ERCC1: variants seen among roughly 807,000 people sequenced by gnomAD.
ERCC1 encodes ERCC excision repair 1, endonuclease non-catalytic subunit.
ERCC1 carries 36 observed loss-of-function variants against 37.6 expected under a neutral mutation model. That is an observed-to-expected ratio of 0.96 (90% CI 0.73 to 1.26). The LOEUF (loss-of-function observed/expected upper bound fraction) is 1.26, where lower values mean the gene tolerates loss of function less well. Ranked by LOEUF, ERCC1 falls within the 50% of genes most tolerant of loss-of-function variation. ERCC1 has a pLI of 0.00. For synonymous variants in ERCC1, 156 were observed against 162.1 expected, an observed-to-expected ratio of 0.96 and a Z score of 0.28; for missense variants, 349 against 376.5, an observed-to-expected ratio of 0.93 and a Z score of 0.60.
chr19:45,408,655 T>C lies in ERCC1; in HGVS notation c.*1020A>G. 1.2e-6 allele frequency: 2 copies of C among 1,613,084 alleles called. No homozygotes were observed. Among genetic ancestry groups the C allele is most frequent in the Non-Finnish European group, 1.7e-6 (2 of 1,179,760 alleles). ...TGAAAGAACCAGAGGCAGCAGGGCC[T>C]GTGGGGACAGAGCCCACAGTGGAGA... On this transcript the variant is annotated 3_prime_UTR_variant, in exon 10 of 10. Transcript: ENST00000300853.
intron 1 of ERCC1, among the ~76,000 whole-genome samples, chr19:45,440,541 T>C (rs114434492): frequency 0.013 from 2,008 of 152,208 alleles, 51 homozygotes; most frequent in African/African-American, 0.046. Context: ...GACACTTCAG[T>C]CTGGCCTAGT....
chr19:45,424,844 G>C (rs918376896), upstream of ERCC1, among the ~76,000 whole-genome samples: 44 of 150,510 alleles, frequency 2.9e-4, no homozygotes, highest in Non-Finnish European at 4.4e-5. Flanking sequence ...TTATCAATCT[G>C]TTCCGTTCTG....
intron 1 of ERCC1, among the ~76,000 whole-genome samples, chr19:45,434,436 G>A (rs551696593): frequency 1.7e-3 from 260 of 152,042 alleles, no homozygotes; most frequent in Non-Finnish European, 3.2e-3. Context: ...AGGCTGCAGA[G>A]GGCCATGATC....
chr19:45,414,098 G>A, intron 7 of ERCC1, 64 bp from the exon 8 acceptor site: 2 of 1,333,248 alleles, frequency 1.5e-6, no homozygotes, highest in East Asian at 2.3e-5. Flanking sequence ...AGCCTAGGAG[G>A]GCAGGGCTGG....
At chr19:45,421,876 G>A (rs1302370816) in intron 2 of ERCC1, among the ~76,000 whole-genome samples, 2 of 151,616 alleles carry the variant, frequency 1.3e-5, no homozygotes, top group Admixed American at 6.6e-5. Flanking sequence ...CAGGTGATCC[G>A]CCCGCCTCGG....
At chr19:45,419,233 A>C in intron 4 of ERCC1, 36 bp from the exon 5 acceptor site, 14 of 1,386,870 alleles carry the variant, frequency 1.0e-5, no homozygotes, top group Non-Finnish European at 1.3e-5. Flanking sequence ...GAGAGGTCTC[A>C]GTCTCTTCAA....
Position 45,419,202 on chromosome 19 carries a change from TG to T in ERCC1, c.426-6del, listed in dbSNP as rs769507840. 2 of 1,583,154 alleles carry T rather than the reference TG, an allele frequency of 1.3e-6. No homozygotes were observed. The highest frequency in any genetic ancestry group is 1.7e-6 in the Non-Finnish European group (2 of 1,162,754). ...TGCAGGTTGTGGTAGCGGAGGCTGGTGGGGGCAGGGAGCGGGAGTTGAGAGG... is the reference window on the plus strand; with the variant it reads ...TGCAGGTTGTGGTAGCGGAGGCTGGTGGGGCAGGGAGCGGGAGTTGAGAGG... On this transcript the variant is annotated splice_polypyrimidine_tract_variant and splice_region_variant and intron_variant, in intron 4 of 9. Transcript: ENST00000300853.
At chr19:45,411,981 C>T (rs1271773283) in intron 9 of ERCC1, among the ~76,000 whole-genome samples, 6 of 151,634 alleles carry the variant, frequency 4.0e-5, no homozygotes, top group Non-Finnish European at 7.4e-5. Context: ...CTCAGCCTCC[C>T]GAGTAGCTGG....
At position 45,410,612 on chromosome 19, in the gene ERCC1, T is replaced by C. The variant is rs1473881361; in HGVS notation, c.844-887A>G. The C allele has an allele frequency of 2.7e-4, 36 of 135,478 alleles. No homozygotes were observed. The Admixed American group carries it at 2.8e-3, about 10-fold the overall frequency. 8.4% of individuals were successfully genotyped at this position (135,478 alleles called of 1,614,324 possible). ...GTGTGTGTGTGGTACCCATTAACCTTCCCCATCTCCCTGCCAGCCCCTAAC... is the reference window on the plus strand; with the variant it reads ...GTGTGTGTGTGGTACCCATTAACCTCCCCCATCTCCCTGCCAGCCCCTAAC... On this transcript the variant is annotated intron_variant, in intron 9 of 9. Coordinates refer to ENST00000300853, the MANE Select transcript of ERCC1 (RefSeq NM_001983.4).
intron 1 of ERCC1, among the ~76,000 whole-genome samples, chr19:45,433,769 C>A (rs1347613834): frequency 6.6e-6 from 1 of 151,524 alleles, no homozygotes; most frequent in Non-Finnish European, 1.5e-5. Flanking sequence ...TGTGGAACAT[C>A]ATTTTAACTT....
rs1805481324 is a variant in ERCC1 at position 45,407,845 on chromosome 19, C to G, written c.*1830G>C. 3.3e-6 allele frequency: 1 copy of G among 302,330 alleles called. No homozygotes were observed. The highest frequency in any genetic ancestry group is 6.1e-6 in the Non-Finnish European group (1 of 163,304). The allele number at this position is 302,330 out of a possible 1,614,324, so 18.7% of individuals were successfully genotyped here. A position where few individuals can be genotyped will look rare whatever the true frequency, so the allele number is the denominator to read the frequency against. ...CCGAGGCGAGCAGATCACTTGAGGT[C>G]AGGAGTTCAAGACCAGCCTGGCCAA... On this transcript the variant is annotated 3_prime_UTR_variant, in exon 10 of 10. Coordinates refer to ENST00000300853, the MANE Select transcript of ERCC1 (RefSeq NM_001983.4).
rs540768244 is a variant in ERCC1 at position 45,439,946 on chromosome 19, G to A, written c.-7-16565C>T. Among the ~76,000 whole-genome samples, 124 of 152,268 alleles carry A rather than the reference G, an allele frequency of 8.1e-4. 1 individual carries two copies. Among genetic ancestry groups the A allele is most frequent in the Non-Finnish European group, 1.5e-3 (102 of 67,992 alleles). ...CAGCTCCGCTAAAAATAGTTGCCGC[G>A]CTCCGAGCCGAGCCCGAAATAGCGG... On this transcript the variant is annotated intron_variant, in intron 1 of 8. Coordinates refer to the ERCC1 transcript ENST00000423698.
chr19:45,444,012 A>T (rs1000620541), intron 1 of ERCC1, among the ~76,000 whole-genome samples: 1 of 129,832 alleles, frequency 7.7e-6, no homozygotes, highest in African/African-American at 3.0e-5. Context: ...TCACTCATCC[A>T]TACCGGGCCC....
chr19:45,409,897 T>A (rs1051243759), intron 9 of ERCC1, 172 bp from the exon 10 acceptor site: 18 of 235,960 alleles, frequency 7.6e-5, no homozygotes, highest in Non-Finnish European at 1.0e-4. Context: ...TTATTATTAT[T>A]TTTTTTTTTT....
At chr19:45,433,122 G>A (rs759944466) in intron 1 of ERCC1, among the ~76,000 whole-genome samples, 8 of 152,076 alleles carry the variant, frequency 5.3e-5, no homozygotes, top group Admixed American at 2.0e-4. Context: ...GGGTGCGGTG[G>A]CTCACACCTG....
In ERCC1 at chr19:45,407,479, A is replaced by G; in HGVS notation, c.*2196T>C. The stretch of plus-strand genomic sequence containing the variant: ...AACTATAGTTAAACTTGGAGTGTGC[A>G]GATAAGCTCACTAAAGGTAGGGGCT... On this transcript the variant is annotated 3_prime_UTR_variant, in exon 10 of 10. Transcript: ENST00000300853. The G allele has an allele frequency of 2.1e-6, 1 of 478,998 alleles. No individual in the cohort carries two copies. Among genetic ancestry groups the G allele is most frequent in the Non-Finnish European group, 3.6e-6 (1 of 274,774 alleles). 29.7% of individuals were successfully genotyped at this position (478,998 alleles called of 1,614,324 possible).
At chr19:45,440,020 G>A (rs1975079047) in intron 1 of ERCC1, among the ~76,000 whole-genome samples, 1 of 152,120 alleles carries the variant, frequency 6.6e-6, no homozygotes, top group African/African-American at 2.4e-5. Context: ...GCGGAAGGGG[G>A]AGCGCGCGGG....
Position 45,409,896 on chromosome 19 carries a change from T to TTA in ERCC1, c.844-172_844-171insTA, listed in dbSNP as rs1555785259. 1.3e-3 allele frequency: 206 copies of TTA among 159,428 alleles called. 1 individual carries two copies. The highest frequency in any genetic ancestry group is 8.9e-3 in the African/African-American group (158 of 17,722). 9.9% of individuals were successfully genotyped at this position (159,428 alleles called of 1,614,324 possible). Reference sequence around the variant, plus strand: ...TTTTAAGTTATTATTATTATTATTATTTTTTTTTTTTTTGAGATGGAGTCT... The same window carrying TTA: ...TTTTAAGTTATTATTATTATTATTATTATTTTTTTTTTTTTGAGATGGAGTCT... On this transcript the variant is annotated intron_variant, in intron 9 of 9. Coordinates refer to ENST00000300853, the MANE Select transcript of ERCC1 (RefSeq NM_001983.4).
upstream of ERCC1, among the ~76,000 whole-genome samples, chr19:45,424,709 A>G (rs922367654): frequency 6.6e-5 from 10 of 152,026 alleles, no homozygotes; most frequent in African/African-American, 2.4e-4. Flanking sequence ...TTCTAGGGGT[A>G]CTTTATGGAT....
Sources: allele counts gnomAD v4.1 joint callset (sites outside exome capture counted in the v4.1 genomes callset), GRCh38; gene constraint gnomAD v4.1.1; transcripts MANE v1.5; gene names NCBI Gene and HGNC (gene_info 2026-07-23, HGNC 2026-07-21).